Variants in CDC40 observed in about 807,000 individuals in gnomAD.
CDC40 encodes pre-mRNA-processing factor 17.
A neutral mutation model predicts 80.6 loss-of-function variants in CDC40; 27 were observed. The ratio of observed to expected loss-of-function variants is 0.33; its 90% confidence interval spans 0.25 to 0.46. The LOEUF (loss-of-function observed/expected upper bound fraction) is 0.46, where lower values mean the gene tolerates loss of function less well. Among genes scored for constraint, CDC40 ranks in the 20% least tolerant of loss-of-function variants. CDC40 has a pLI of 1.00. For synonymous variants in CDC40, 221 were observed against 232.6 expected, an observed-to-expected ratio of 0.95 and a Z score of 0.45; for missense variants, 486 against 694.1, an observed-to-expected ratio of 0.70 and a Z score of 3.37.
chr6:110,189,184 A>G (rs1457381444), intron 1 of CDC40, among the ~76,000 whole-genome samples: 2 of 152,218 alleles, frequency 1.3e-5, no homozygotes, highest in African/African-American at 4.8e-5. Flanking sequence ...TTAACCTCAC[A>G]GATTATATGA....
chr6:110,197,119 A>G (rs1001806343), intron 2 of CDC40, among the ~76,000 whole-genome samples: 3 of 152,202 alleles, frequency 2.0e-5, no homozygotes, highest in African/African-American at 7.2e-5. Flanking sequence ...ACATCCTTAT[A>G]GTATCAGATC....
At chr6:110,222,575 C>CA (rs921941203) in intron 12 of CDC40, among the ~76,000 whole-genome samples, 2 of 151,538 alleles carry the variant, frequency 1.3e-5, no homozygotes, top group Non-Finnish European at 2.9e-5. Context: ...AAAAAACAAA[C>CA]AACAACAACA....
chr6:110,202,733 C>T lies in CDC40; in HGVS notation c.406+1046C>T, dbSNP rs534673424. 2.0e-5 allele frequency among the ~76,000 whole-genome samples: 3 copies of T among 152,060 alleles called. No individual in the cohort carries two copies. The South Asian group carries it at 6.2e-4, about 32-fold the overall frequency. On this transcript the variant is annotated intron_variant, in intron 3 of 14. Transcript: ENST00000307731. The stretch of plus-strand genomic sequence containing the variant: ...AAGTATCTGGTGATTTTTGCCTCTC[C>T]CACTAGGAAGTGGTGAGGTAGGACA...
intron 1 of CDC40, among the ~76,000 whole-genome samples, chr6:110,191,490 A>G (rs993843973): frequency 6.6e-6 from 1 of 151,886 alleles, no homozygotes. Context: ...ATTTTAGTGG[A>G]GAGAGAGAGA....
intron 12 of CDC40, among the ~76,000 whole-genome samples, chr6:110,220,476 T>G (rs1342525183): frequency 6.2e-5 from 9 of 146,276 alleles, no homozygotes; most frequent in East Asian, 6.0e-4. Context: ...TTGAGACGGA[T>G]TCTTGCTGTG....
intron 9 of CDC40, among the ~76,000 whole-genome samples, chr6:110,215,933 A>G (rs1777694588): frequency 6.6e-6 from 1 of 152,212 alleles, no homozygotes; most frequent in Non-Finnish European, 1.5e-5. Context: ...CGGCATGTGA[A>G]TGATCACAGT....
intron 2 of CDC40, among the ~76,000 whole-genome samples, chr6:110,195,697 G>T (rs1262881592): frequency 1.3e-5 from 2 of 152,106 alleles, no homozygotes; most frequent in Admixed American, 6.5e-5. Context: ...TTGGTGGCTA[G>T]GTAGGCTTTT....
At chr6:110,229,652 C>G (rs1777910167) in intron 14 of CDC40, among the ~76,000 whole-genome samples, 1 of 152,150 alleles carries the variant, frequency 6.6e-6, no homozygotes, top group African/African-American at 2.4e-5. Flanking sequence ...GGAATTGGTT[C>G]TCCAGTCTCT....
At chr6:110,223,855 C>T (rs1711891662) in intron 12 of CDC40, among the ~76,000 whole-genome samples, 1 of 113,848 alleles carries the variant, frequency 8.8e-6, no homozygotes, top group African/African-American at 2.8e-5. Flanking sequence ...TTGTTTGAGA[C>T]AGAGTCTCGC....
chr6:110,192,824 G>A (rs562221276), intron 1 of CDC40, among the ~76,000 whole-genome samples: 1 of 152,250 alleles, frequency 6.6e-6, no homozygotes, highest in Non-Finnish European at 1.5e-5. Flanking sequence ...AATACAGTTT[G>A]CTGAGTAAAA....
chr6:110,220,649 G>A (rs748317027), intron 12 of CDC40, among the ~76,000 whole-genome samples: 18 of 152,056 alleles, frequency 1.2e-4, no homozygotes, highest in South Asian at 4.1e-4. Context: ...GTTTCACTGT[G>A]TTAGCCAGGA....
intron 3 of CDC40, among the ~76,000 whole-genome samples, chr6:110,206,854 A>G (rs903196057): frequency 6.6e-6 from 1 of 152,200 alleles, no homozygotes; most frequent in African/African-American, 2.4e-5. Flanking sequence ...ATGTATTTTC[A>G]AGCTCTTAGA....
At chr6:110,189,522 A>G (rs1433928572) in intron 1 of CDC40, among the ~76,000 whole-genome samples, 2 of 152,180 alleles carry the variant, frequency 1.3e-5, no homozygotes, top group Non-Finnish European at 2.9e-5. Flanking sequence ...CAACACCTCC[A>G]AACATCTGTC....
intron 1 of CDC40, among the ~76,000 whole-genome samples, chr6:110,192,798 A>G (rs756850375): frequency 2.6e-4 from 40 of 152,182 alleles, no homozygotes; most frequent in Non-Finnish European, 4.9e-4. Context: ...ACCAAGTGCA[A>G]TTTGGTTGCA....
intron 12 of CDC40, among the ~76,000 whole-genome samples, chr6:110,223,838 TTTTGTTTTG>T: frequency 6.6e-6 from 1 of 151,818 alleles, no homozygotes; most frequent in Non-Finnish European, 1.5e-5. Flanking sequence ...TTTTGTTTTG[TTTTGTTTTG>T]TTTGAGACAG....
At chr6:110,183,477 C>T (rs11757055) in intron 1 of CDC40, among the ~76,000 whole-genome samples, 35,265 of 152,042 alleles carry the variant, frequency 0.23, 6,231 homozygotes, top group African/African-American at 0.5. Context: ...GGAGGAAAGG[C>T]TGCGTAAGGT....
intron 2 of CDC40, among the ~76,000 whole-genome samples, chr6:110,197,254 A>G (rs1437801772): frequency 1.3e-5 from 2 of 152,222 alleles, no homozygotes; most frequent in African/African-American, 4.8e-5. Flanking sequence ...AACATCATAC[A>G]TACTTTGGGT....
At chr6:110,206,505 ACTTT>A (rs1777564814) in intron 3 of CDC40, among the ~76,000 whole-genome samples, 1 of 152,204 alleles carries the variant, frequency 6.6e-6, no homozygotes. Context: ...ACTTAGGTAG[ACTTT>A]CTTTCCTTAA....
At chr6:110,210,258 T>C (rs1005897247) in intron 5 of CDC40, among the ~76,000 whole-genome samples, 1 of 151,902 alleles carries the variant, frequency 6.6e-6, no homozygotes, top group Admixed American at 6.6e-5. Flanking sequence ...GTAATCAGTC[T>C]CTGCTTATAG....
Sources: gnomAD v4.1 joint callset for allele counts (sites outside exome capture counted in the v4.1 genomes callset) on GRCh38, gnomAD v4.1.1 for gene constraint, MANE v1.5 for transcripts, NCBI Gene and HGNC (gene_info 2026-07-23, HGNC 2026-07-21) for gene names.